The following KLC1 variants were observed in gnomAD, a reference collection of about 807,000 sequenced individuals.
KLC1 encodes kinesin light chain 1.
Under a neutral mutation model 84.2 loss-of-function variants are expected in KLC1, and 30 were observed. The observed-to-expected ratio is 0.36, with a 90% CI of 0.27 to 0.48. The LOEUF (loss-of-function observed/expected upper bound fraction) is 0.48. Among genes scored for constraint, KLC1 ranks in the 20% least tolerant of loss-of-function variants. The probability of loss-of-function intolerance (pLI) is 0.99; values close to 1 mark genes in which losing one functional copy is unlikely to be tolerated. For synonymous variants in KLC1, 289 were observed against 293.3 expected (o/e 0.99, Z 0.15); for missense variants, 499 against 805.4 (o/e 0.62, Z 4.60).
intron 13 of KLC1, chr14:103,682,920 A>G (rs1468592180): frequency 6.6e-6 from 1 of 151,586 alleles, no homozygotes; most frequent in Admixed American, 6.6e-5. Flanking sequence ...AATGCTTTTT[A>G]AAAGGTTGAA....
In KLC1 at chr14:103,673,060, T is replaced by C; in HGVS notation, c.1034T>C (p.Leu345Ser). The C allele has an allele frequency of 1.2e-6, 2 of 1,614,004 alleles. No individual in the cohort carries two copies. The highest frequency in any genetic ancestry group is 1.7e-6 in the Non-Finnish European group (2 of 1,180,016). ...HPDVAKQLNN[L>S]ALLCQNQGKY... ...GATGTTGCCAAGCAGTTAAATAACT[T>C]GGCCTTACTGTGCCAGAACCAGGGC... is the stretch of plus-strand genomic sequence containing the variant. The change falls in exon 8 of 17, where the codon TTG (leucine) becomes TCG (serine). Residue 345 changes from leucine (L) to serine (S), a missense_variant. Coordinates refer to ENST00000334553, the MANE Select transcript of KLC1 (RefSeq NM_001394837.1).
At chr14:103,663,345 G>T (rs1372605713) in intron 5 of KLC1, among the ~76,000 whole-genome samples, 1 of 152,132 alleles carries the variant, frequency 6.6e-6, no homozygotes, top group African/African-American at 2.4e-5. Context: ...CTCCCAAAAC[G>T]CTGGGATTAC....
chr14:103,640,100 C>T (rs1401110557), intron 1 of KLC1, among the ~76,000 whole-genome samples: 1 of 152,024 alleles, frequency 6.6e-6, no homozygotes, highest in Non-Finnish European at 1.5e-5. Flanking sequence ...CAGAGTTTCG[C>T]TCTGTTGTGG....
intron 1 of KLC1, among the ~76,000 whole-genome samples, chr14:103,643,290 C>G (rs1486921236): frequency 3.3e-5 from 5 of 152,130 alleles, no homozygotes; most frequent in Non-Finnish European, 5.9e-5. Flanking sequence ...GTGGGCTGCA[C>G]TTAGTGACTT....
chr14:103,696,065 CAG>C (rs1225565416), intron 15 of KLC1: 1 of 981,132 alleles, frequency 1.0e-6, no homozygotes, highest in Non-Finnish European at 1.2e-6. Flanking sequence ...CCTGTTTCTT[CAG>C]AGTTGCTGTC....
Position 103,700,598 on chromosome 14 carries a change from G to A in KLC1, c.1849-57G>A, listed in dbSNP as rs140279200. On this transcript the variant is annotated intron_variant, in intron 15 of 16. Coordinates refer to ENST00000334553, the MANE Select transcript of KLC1 (RefSeq NM_001394837.1). ...CTGGTGTCACGCCCGGAGCTCTGAA[G>A]ACGCCTGAGGGCCGCCTGCACGCCC... is the stretch of plus-strand genomic sequence containing the variant. 1.4e-4 allele frequency: 201 copies of A among 1,428,996 alleles called. No homozygotes were observed. In the African/African-American group the frequency reaches 2.5e-3, roughly 18 times the overall value. The allele number at this position is 1,428,996 out of a possible 1,614,324, so 88.5% of individuals were successfully genotyped here. A position where few individuals can be genotyped will look rare whatever the true frequency, so the allele number is the denominator to read the frequency against.
chr14:103,645,943 A>G (rs2077888272), intron 1 of KLC1, among the ~76,000 whole-genome samples: 1 of 152,054 alleles, frequency 6.6e-6, no homozygotes, highest in Non-Finnish European at 1.5e-5. Flanking sequence ...TATTTTTAGT[A>G]GAGACAGGGT....
At chr14:103,661,978 G>C in intron 3 of KLC1, 138 bp from the exon 4 acceptor site, 1 of 641,030 alleles carries the variant, frequency 1.6e-6, no homozygotes, top group South Asian at 2.1e-5. Flanking sequence ...CAGATTGTCG[G>C]CGATCCTACA....
chr14:103,701,224 AGGATGGGACTGCCGAGTGTGGCCC>A lies in KLC1; in HGVS notation c.*29_*52del. The A allele has an allele frequency of 6.4e-7, 1 of 1,550,430 alleles. No individual in the cohort carries two copies. The highest frequency in any genetic ancestry group is 8.7e-7 in the Non-Finnish European group (1 of 1,146,296). ...AGTGACCCCGACCTGGCCCCGCTCC[AGGATGGGACTGCCGAGTGTGGCCC>A]GGAGCTGGCCCGGGACAGCCAGGGC... On this transcript the variant is annotated 3_prime_UTR_variant, in exon 17 of 17. Coordinates refer to ENST00000334553, the MANE Select transcript of KLC1 (RefSeq NM_001394837.1).
At chr14:103,688,487 A>G (rs1309376734) in intron 14 of KLC1, among the ~76,000 whole-genome samples, 1 of 152,098 alleles carries the variant, frequency 6.6e-6, no homozygotes, top group Non-Finnish European at 1.5e-5. Flanking sequence ...AAAAAAAAGT[A>G]TGTCCACTTT....
At chr14:103,645,571 GGA>G in intron 1 of KLC1, among the ~76,000 whole-genome samples, 1 of 152,234 alleles carries the variant, frequency 6.6e-6, no homozygotes, top group South Asian at 2.1e-4. Flanking sequence ...GGGGCATCAG[GGA>G]GTACATTTAC....
intron 15 of KLC1, 36 bp downstream of exon 15, chr14:103,692,461 CCAGACCACGCTGGCAGGTCTGCTG>C: frequency 6.6e-7 from 1 of 1,523,612 alleles, no homozygotes; most frequent in Non-Finnish European, 8.8e-7. Flanking sequence ...CCTAGGCTGC[CCAGACCACGCTGGCAGGTCTGCTG>C]CAGACCCGCA....
intron 1 of KLC1, among the ~76,000 whole-genome samples, chr14:103,647,860 G>C (rs1375170151): frequency 1.4e-5 from 2 of 146,730 alleles, no homozygotes; most frequent in Non-Finnish European, 3.0e-5. Context: ...TGGCGACAGA[G>C]CAAGACTCCA....
chr14:103,632,681 A>T (rs537076978), intron 1 of KLC1, among the ~76,000 whole-genome samples: 2 of 152,102 alleles, frequency 1.3e-5, no homozygotes, highest in African/African-American at 4.8e-5. Flanking sequence ...AGATCACGCC[A>T]TTGCACTCCA....
At chr14:103,634,594 G>A (rs1250368315) in intron 1 of KLC1, among the ~76,000 whole-genome samples, 1 of 152,080 alleles carries the variant, frequency 6.6e-6, no homozygotes, top group African/African-American at 2.4e-5. Context: ...GATGGGGAGT[G>A]GGTCTAAGAG....
chr14:103,629,829 C>T (rs999014808), intron 1 of KLC1, among the ~76,000 whole-genome samples: 4 of 152,186 alleles, frequency 2.6e-5, no homozygotes, highest in Non-Finnish European at 5.9e-5. Context: ...CCCCGCATCC[C>T]CGGCTTGGCC....
At chr14:103,647,196 A>G (rs1057006969) in intron 1 of KLC1, among the ~76,000 whole-genome samples, 2 of 151,620 alleles carry the variant, frequency 1.3e-5, no homozygotes, top group African/African-American at 4.8e-5. Flanking sequence ...TGGGTTTTTT[A>G]TTTACTTTCT....
intron 1 of KLC1, among the ~76,000 whole-genome samples, chr14:103,631,098 T>G (rs1195033037): frequency 2.0e-5 from 3 of 151,678 alleles, no homozygotes; most frequent in African/African-American, 7.3e-5. Context: ...TTTTTTTTTT[T>G]GAGATGGAGT....
intron 1 of KLC1, among the ~76,000 whole-genome samples, chr14:103,638,481 T>A (rs920060672): frequency 6.6e-6 from 1 of 151,982 alleles, no homozygotes; most frequent in Admixed American, 6.6e-5. Flanking sequence ...ACCATCTATC[T>A]AATTCCACAC....
Sources: gnomAD v4.1 joint callset for allele counts (sites outside exome capture counted in the v4.1 genomes callset) on GRCh38, gnomAD v4.1.1 for gene constraint, MANE v1.5 for transcripts, NCBI Gene and HGNC (gene_info 2026-07-23, HGNC 2026-07-21) for gene names.